HIVEP1: variants seen among roughly 807,000 people sequenced by gnomAD.
HIVEP1 encodes the protein HIVEP zinc finger 1.
A neutral mutation model predicts 180.0 loss-of-function variants in HIVEP1; 36 were observed. The observed-to-expected ratio is 0.20, with a 90% CI of 0.15 to 0.26. The LOEUF (loss-of-function observed/expected upper bound fraction) is 0.26, where lower values mean the gene tolerates loss of function less well. Among genes scored for constraint, HIVEP1 ranks in the 10% least tolerant of loss-of-function variants. The pLI is 1.00. For missense variants in HIVEP1, 3,143 were observed against 3,268.7 expected, an observed-to-expected ratio of 0.96 and a Z score of 0.94; for synonymous variants, 1,239 against 1,239.0, an observed-to-expected ratio of 1.00 and a Z score of 0.00.
intron 2 of HIVEP1, among the ~76,000 whole-genome samples, chr6:12,081,005 C>T (rs949009481): frequency 3.3e-5 from 5 of 152,104 alleles, no homozygotes; most frequent in Admixed American, 1.3e-4. Flanking sequence ...CCAGCTCCCC[C>T]CTCCTATTCA....
chr6:12,130,891 G>C lies in HIVEP1; in HGVS notation c.6334G>C (p.Asp2112His). ...MLKKHIRTHT[D>H]VRPYHCTYCN... is the part of the protein sequence containing the mutation. ...AAAGAAACACATACGAACCCATACAGATGTCCGCCCCTACCACTGCACTTA... is the reference window on the plus strand; with the variant it reads ...AAAGAAACACATACGAACCCATACACATGTCCGCCCCTACCACTGCACTTA... Residue 2112 changes from aspartate (D) to histidine (H), a missense_variant, in exon 6 of 9, where the codon GAT becomes CAT. Asp to His is a moderately conservative substitution (Grantham distance 81). Around this residue, in one of 12 missense-constraint regions of HIVEP1, gnomAD observed 126 missense variants for 168.5 expected, o/e 0.75. Coordinates refer to ENST00000379388, the MANE Select transcript of HIVEP1 (RefSeq NM_002114.4). 1.2e-6 allele frequency: 2 copies of C among 1,613,240 alleles called. No individual in the cohort carries two copies.
chr6:12,007,872 A>G (rs781222054), upstream of HIVEP1: 2 of 151,882 alleles, frequency 1.3e-5, no homozygotes, highest in Non-Finnish European at 2.9e-5. Context: ...TAAGCCTCTT[A>G]TATCTTTTTT....
chr6:12,015,504 T>G (rs1561853553), intron 1 of HIVEP1, 22 bp from the exon 2 acceptor site: 2 of 760,896 alleles, frequency 2.6e-6, no homozygotes, highest in East Asian at 2.5e-5. Flanking sequence ...AAAATGTGCT[T>G]CTCCGTTTTT....
intron 4 of HIVEP1, among the ~76,000 whole-genome samples, chr6:12,126,498 G>A (rs1328947239): frequency 6.6e-6 from 1 of 152,122 alleles, no homozygotes; most frequent in Admixed American, 6.5e-5. Flanking sequence ...TGTAACTTGG[G>A]GTAATTTGTG....
chr6:12,140,336 A>T (rs546765996), intron 7 of HIVEP1, among the ~76,000 whole-genome samples: 14 of 152,350 alleles, frequency 9.2e-5, no homozygotes, highest in Admixed American at 4.6e-4. Context: ...AAGAACATCC[A>T]CACCAAAACC....
At chr6:12,082,033 A>G (rs565294155) in intron 2 of HIVEP1, among the ~76,000 whole-genome samples, 4 of 152,254 alleles carry the variant, frequency 2.6e-5, no homozygotes, top group Non-Finnish European at 2.9e-5. Flanking sequence ...TGTGGCCAAA[A>G]TACTTTCTGT....
At chr6:12,050,936 T>C (rs2113715716) in intron 2 of HIVEP1, among the ~76,000 whole-genome samples, 1 of 148,586 alleles carries the variant, frequency 6.7e-6, no homozygotes, top group East Asian at 2.0e-4. Context: ...TGCTACTGGG[T>C]TGGCCGTTGC....
chr6:12,126,719 A>G (rs1263263276), intron 4 of HIVEP1, among the ~76,000 whole-genome samples: 1 of 152,222 alleles, frequency 6.6e-6, no homozygotes, highest in Non-Finnish European at 1.5e-5. Flanking sequence ...AGAATTATGA[A>G]CAATTCTAAA....
At chr6:12,105,034 T>C (rs1286563108) in intron 3 of HIVEP1, among the ~76,000 whole-genome samples, 1 of 152,244 alleles carries the variant, frequency 6.6e-6, no homozygotes, top group East Asian at 1.9e-4. Flanking sequence ...CATTTTATTT[T>C]AAAAATTATA....
In HIVEP1 at chr6:12,122,370, C is replaced by T. The variant is rs771636073; in HGVS notation, c.2575C>T (p.His859Tyr). 11 of 1,614,030 alleles carry T rather than the reference C, an allele frequency of 6.8e-6. No individual in the cohort carries two copies. In the South Asian group the frequency reaches 8.8e-5, roughly 13 times the overall value. Residue 859 changes from histidine (H) to tyrosine (Y), a missense_variant, in exon 4 of 9, where the codon CAT becomes TAT. This residue lies in a region of HIVEP1 where 204 missense variants were observed against 243.7 expected (regional missense o/e 0.84). Transcript: ENST00000379388. ...AVPANIIPPP[H>Y]PLRGSQSFDD... ...ACCTGCAAATATAATACCTCCTCCT[C>T]ATCCACTAAGAGGAAGTCAGTCATT...
At chr6:12,129,594 A>G (rs748323742) in intron 4 of HIVEP1, 165 bp from the exon 5 acceptor site, 15 of 703,614 alleles carry the variant, frequency 2.1e-5, no homozygotes, top group Admixed American at 4.0e-5. Context: ...AGACAGATTC[A>G]TAAGGGAGGA....
intron 3 of HIVEP1, among the ~76,000 whole-genome samples, chr6:12,096,253 T>A (rs1486609424): frequency 6.6e-6 from 1 of 152,054 alleles, no homozygotes; most frequent in African/African-American, 2.4e-5. Flanking sequence ...TTATATGAGT[T>A]AAGAAATATA....
chr6:12,163,666 T>G lies in HIVEP1; in HGVS notation c.7362T>G (p.Pro2454=), dbSNP rs1047016814. The G allele has an allele frequency of 6.2e-7, 1 of 1,614,056 alleles. No individual in the cohort carries two copies. The highest frequency in any genetic ancestry group is 1.3e-5 in the African/African-American group (1 of 74,900). The change falls in exon 9 of 9, where the codon CCT becomes CCG. Residue 2454 remains proline, a synonymous_variant. Transcript: ENST00000379388. ...CAGAAGTGTCTGGCACTACAAACCCTGCTGGAGTGGCTGAATTAAGCAGTG... is the reference window on the plus strand; with the variant it reads ...CAGAAGTGTCTGGCACTACAAACCCGGCTGGAGTGGCTGAATTAAGCAGTG... ...TVTEVSGTTN[P]AGVAELSSVV... is the part of the protein sequence containing the mutation.
At chr6:12,012,631 G>C (rs946360715) in intron 1 of HIVEP1, 65 bp downstream of exon 1, 11 of 148,740 alleles carry the variant, frequency 7.4e-5, no homozygotes, top group Admixed American at 4.0e-4. Flanking sequence ...GAGGGGGGGG[G>C]GGGCAGGAGC....
chr6:12,154,733 C>A (rs1372107548), intron 7 of HIVEP1, among the ~76,000 whole-genome samples: 1 of 152,088 alleles, frequency 6.6e-6, no homozygotes, highest in East Asian at 1.9e-4. Context: ...GTGCAGCAAA[C>A]CTCCCTGGCA....
intron 3 of HIVEP1, among the ~76,000 whole-genome samples, chr6:12,091,816 A>T (rs1561930832): frequency 6.6e-6 from 1 of 152,180 alleles, no homozygotes; most frequent in South Asian, 2.1e-4. Context: ...GTTTTTCCTT[A>T]CAGTGCTATC....
At chr6:12,113,524 G>A (rs1048612035) in intron 3 of HIVEP1, among the ~76,000 whole-genome samples, 7 of 152,088 alleles carry the variant, frequency 4.6e-5, no homozygotes, top group Admixed American at 2.0e-4. Flanking sequence ...TTTTGGCCAT[G>A]TTAAGATGCT....
At position 12,018,009 on chromosome 6, in the gene HIVEP1, C is replaced by T. The variant is rs376029143; in HGVS notation, c.40+2341C>T. On this transcript the variant is annotated intron_variant, in intron 2 of 8. Coordinates refer to ENST00000379388, the MANE Select transcript of HIVEP1 (RefSeq NM_002114.4). The stretch of plus-strand genomic sequence containing the variant: ...CGGGGAGGCTGGGGCCGTGCAGGAG[C>T]CCATGGCGTGGGGGGTGCTTAGGCA... Among the ~76,000 whole-genome samples, 435 of 152,332 alleles carry T rather than the reference C, an allele frequency of 2.9e-3. 20 individuals carry two copies. The South Asian group carries it at 0.087, about 31-fold the overall frequency.
At chr6:12,100,891 C>T (rs1472834062) in intron 3 of HIVEP1, among the ~76,000 whole-genome samples, 31 of 152,034 alleles carry the variant, frequency 2.0e-4, no homozygotes, top group Admixed American at 2.0e-3. Flanking sequence ...AAGTATAATG[C>T]AAATATTCCA....
Sources: allele counts gnomAD v4.1 joint callset (sites outside exome capture counted in the v4.1 genomes callset), GRCh38; gene constraint gnomAD v4.1.1; regional missense constraint gnomAD v4.1.1; transcripts MANE v1.5; gene names NCBI Gene and HGNC (gene_info 2026-07-23, HGNC 2026-07-21).